Variants in GABRB1 observed in about 807,000 individuals in gnomAD.
GABRB1 encodes the protein gamma-aminobutyric acid type A receptor subunit beta1, also known as gamma-aminobutyric acid receptor subunit beta-1.
GABRB1 carries 17 observed loss-of-function variants against 51.6 expected under a neutral mutation model. That is an observed-to-expected ratio of 0.33 (90% CI 0.23 to 0.49). GABRB1 has a LOEUF of 0.49. Ranked by LOEUF, GABRB1 falls within the 20% of genes least tolerant of loss-of-function variation. The probability of loss-of-function intolerance (pLI) is 0.99; values close to 1 mark genes in which losing one functional copy is unlikely to be tolerated. For missense variants in GABRB1, 410 were observed against 600.6 expected (o/e 0.68, Z 3.32); for synonymous variants, 247 against 218.9 (o/e 1.13, Z -1.14).
At chr4:47,368,147 A>G (rs1223732905) in intron 5 of GABRB1, among the ~76,000 whole-genome samples, 2 of 152,156 alleles carry the variant, frequency 1.3e-5, no homozygotes, top group African/African-American at 4.8e-5. Flanking sequence ...AAGATGTCCA[A>G]AGGCATTTCC....
chr4:47,333,126 A>G (rs994267133), intron 5 of GABRB1, among the ~76,000 whole-genome samples: 1 of 146,274 alleles, frequency 6.8e-6, no homozygotes, highest in South Asian at 2.1e-4. Context: ...TTATAAATAT[A>G]TTTATATAAT....
intron 4 of GABRB1, among the ~76,000 whole-genome samples, chr4:47,306,987 C>A (rs1459431197): frequency 6.6e-6 from 1 of 152,018 alleles, no homozygotes; most frequent in Non-Finnish European, 1.5e-5. Flanking sequence ...AGTATAGTGG[C>A]TGAGTCAAGA....
At chr4:47,055,940 G>T (rs942844707) in intron 3 of GABRB1, among the ~76,000 whole-genome samples, 24 of 152,158 alleles carry the variant, frequency 1.6e-4, no homozygotes, top group Non-Finnish European at 1.9e-4. Flanking sequence ...AAATGCAAAG[G>T]CTTATGTACA....
At chr4:47,219,741 TTA>T (rs1372297398) in intron 4 of GABRB1, among the ~76,000 whole-genome samples, 4 of 151,920 alleles carry the variant, frequency 2.6e-5, no homozygotes, top group Admixed American at 2.0e-4. Context: ...TGGAATTACC[TTA>T]TTTCCAAATT....
intron 5 of GABRB1, among the ~76,000 whole-genome samples, chr4:47,322,869 T>C (rs1725133260): frequency 6.6e-6 from 1 of 152,042 alleles, no homozygotes; most frequent in African/African-American, 2.4e-5. Flanking sequence ...CTCAGGAGGC[T>C]GAGACAGGAG....
intron 4 of GABRB1, among the ~76,000 whole-genome samples, chr4:47,212,995 T>G (rs927935829): frequency 3.9e-5 from 6 of 152,198 alleles, no homozygotes; most frequent in Non-Finnish European, 7.3e-5. Flanking sequence ...ACGACATACA[T>G]GGATGCCATT....
chr4:47,022,780 T>G lies in GABRB1; in HGVS notation c.-19-9134T>G, dbSNP rs573870027. ...TGAAATTGAGCTCAATTCCTCAAACTAAAAATTGAGCTACCATATGATCCA... is the reference window on the plus strand; with the variant it reads ...TGAAATTGAGCTCAATTCCTCAAACGAAAAATTGAGCTACCATATGATCCA... On this transcript the variant is annotated intron_variant, in intron 1 of 3. Transcript: ENST00000513567. 5.9e-5 allele frequency among the ~76,000 whole-genome samples: 9 copies of G among 152,174 alleles called. 1 individual carries two copies. Among genetic ancestry groups the G allele is most frequent in the African/African-American group, 1.7e-4 (7 of 41,554 alleles).
At chr4:47,262,579 C>T (rs1232515165) in intron 4 of GABRB1, among the ~76,000 whole-genome samples, 1 of 152,138 alleles carries the variant, frequency 6.6e-6, no homozygotes, top group Non-Finnish European at 1.5e-5. Flanking sequence ...AATAGGAACA[C>T]TTTTACACTG....
rs143360094 is a variant in GABRB1 at position 47,217,190 on chromosome 4, G to T, written c.461+55721G>T. Among the ~76,000 whole-genome samples the T allele has an allele frequency of 1.6e-3, 236 of 151,960 alleles. 1 individual carries two copies. The highest frequency in any genetic ancestry group is 3.2e-3 in the Admixed American group (49 of 15,240). ...ACATTTTTGAAAATGAAAGCCACCAGTTCCAGAAATGGAAGAATAGCAATG... is the reference window on the plus strand; with the variant it reads ...ACATTTTTGAAAATGAAAGCCACCATTTCCAGAAATGGAAGAATAGCAATG... On this transcript the variant is annotated intron_variant, in intron 4 of 8. Transcript: ENST00000295454.
intron 4 of GABRB1, among the ~76,000 whole-genome samples, chr4:47,216,951 ATATT>A (rs1329781684): frequency 6.6e-6 from 1 of 151,864 alleles, no homozygotes; most frequent in Non-Finnish European, 1.5e-5. Flanking sequence ...AATAACCTAA[ATATT>A]TATCAGCAAG....
intron 4 of GABRB1, among the ~76,000 whole-genome samples, chr4:47,227,961 T>A (rs550759756): frequency 4.6e-5 from 7 of 152,286 alleles, no homozygotes; most frequent in Non-Finnish European, 5.9e-5. Context: ...AGCACCCATC[T>A]AATAGCCTCA....
At chr4:47,261,831 T>G (rs1173414375) in intron 4 of GABRB1, among the ~76,000 whole-genome samples, 5 of 152,046 alleles carry the variant, frequency 3.3e-5, no homozygotes, top group Non-Finnish European at 5.9e-5. Context: ...CATGGTACTT[T>G]TACCAAAACA....
chr4:47,164,020 G>T (rs1043862108), intron 4 of GABRB1, among the ~76,000 whole-genome samples: 1 of 151,952 alleles, frequency 6.6e-6, no homozygotes, highest in East Asian at 1.9e-4. Context: ...TTACATGGTG[G>T]CAGGTGGGAG....
intron 5 of GABRB1, among the ~76,000 whole-genome samples, chr4:47,389,753 C>A (rs2110037584): frequency 6.6e-6 from 1 of 152,282 alleles, no homozygotes; most frequent in African/African-American, 2.4e-5. Context: ...TTATCTGAAG[C>A]TAAGATGCAC....
intron 4 of GABRB1, among the ~76,000 whole-genome samples, chr4:47,262,582 T>G (rs888751738): frequency 6.6e-6 from 1 of 152,152 alleles, no homozygotes; most frequent in Non-Finnish European, 1.5e-5. Context: ...AGGAACACTT[T>G]TACACTGTTG....
chr4:47,345,323 A>G (rs1726050543), intron 5 of GABRB1, among the ~76,000 whole-genome samples: 1 of 152,224 alleles, frequency 6.6e-6, no homozygotes. Context: ...GTTTTCAAGC[A>G]GTAAAGGAGA....
chr4:47,183,051 G>A (rs541661947), intron 4 of GABRB1, among the ~76,000 whole-genome samples: 1 of 151,702 alleles, frequency 6.6e-6, no homozygotes, highest in African/African-American at 2.4e-5. Context: ...GTTACTGGTA[G>A]GTATATTAAC....
rs1022444479 is a variant in GABRB1 at position 47,000,056 on chromosome 4, A to G, written c.-20+6130A>G. On this transcript the variant is annotated intron_variant, in intron 1 of 3. Coordinates refer to the GABRB1 transcript ENST00000513567. ...TGGACTCATGTCACCTTGTTAGTCAAATTGCAATAAAAACTTCTCTTTTAT... is the reference window on the plus strand; with the variant it reads ...TGGACTCATGTCACCTTGTTAGTCAGATTGCAATAAAAACTTCTCTTTTAT... Among the ~76,000 whole-genome samples the G allele has an allele frequency of 3.3e-5, 5 of 152,174 alleles. No homozygotes were observed. The East Asian group carries it at 7.7e-4, about 23-fold the overall frequency.
intron 4 of GABRB1, among the ~76,000 whole-genome samples, chr4:47,308,831 G>T (rs1350422320): frequency 6.6e-6 from 1 of 151,966 alleles, no homozygotes; most frequent in Non-Finnish European, 1.5e-5. Context: ...CAATATCTAG[G>T]TCGTTTCTGA....
Sources: gnomAD v4.1 joint callset for allele counts (sites outside exome capture counted in the v4.1 genomes callset) on GRCh38, gnomAD v4.1.1 for gene constraint, MANE v1.5 for transcripts, NCBI Gene and HGNC (gene_info 2026-07-23, HGNC 2026-07-21) for gene names.